The following ZNF680 variants were observed in gnomAD, a reference collection of about 807,000 sequenced individuals.
ZNF680 encodes the protein hypothetical protein FLJ90430.
ZNF680 carries 6 observed loss-of-function variants against 12.1 expected under a neutral mutation model. That is an observed-to-expected ratio of 0.49 (90% CI 0.27 to 0.98). ZNF680 has a LOEUF of 0.98. Ranked by LOEUF, ZNF680 falls within the 50% of genes least tolerant of loss-of-function variation. ZNF680 has a pLI of 0.12. For synonymous variants in ZNF680, 170 were observed against 199.3 expected (o/e 0.85, Z 1.24); for missense variants, 561 against 616.3 (o/e 0.91, Z 0.95).
At chr7:64,511,995 G>A in the ZNF680 span, among the ~76,000 whole-genome samples, 1 of 151,482 alleles carries the variant, frequency 6.6e-6, no homozygotes, top group Middle Eastern at 3.2e-3. Flanking sequence ...GGAGGCGGAG[G>A]TTGCAGTGAG....
chr7:64,504,431 G>T, the ZNF680 span, among the ~76,000 whole-genome samples: 1 of 152,206 alleles, frequency 6.6e-6, no homozygotes, highest in Non-Finnish European at 1.5e-5. Flanking sequence ...TAGCTAAGAA[G>T]ATTTTATCTC....
chr7:64,541,578 G>A (rs773339055), intron 3 of ZNF680, among the ~76,000 whole-genome samples: 3 of 152,098 alleles, frequency 2.0e-5, no homozygotes, highest in South Asian at 2.1e-4. Flanking sequence ...ATCCAGAGAG[G>A]GTGTTGTGAA....
chr7:64,559,052 TAGAA>T (rs1267060337), intron 1 of ZNF680, among the ~76,000 whole-genome samples: 15 of 152,136 alleles, frequency 9.9e-5, no homozygotes, highest in African/African-American at 3.4e-4. Flanking sequence ...ATTTTACATG[TAGAA>T]AGAAAGGGGT....
chr7:64,517,931 T>G (rs989285050), downstream of ZNF680, among the ~76,000 whole-genome samples: 2 of 151,938 alleles, frequency 1.3e-5, no homozygotes, highest in African/African-American at 4.8e-5. Context: ...AAAGGACATA[T>G]CTCAATGTAA....
downstream of ZNF680, among the ~76,000 whole-genome samples, chr7:64,517,801 TA>T (rs1162155311): frequency 2.0e-5 from 3 of 151,990 alleles, no homozygotes; most frequent in African/African-American, 7.2e-5. Flanking sequence ...TACAAGTCAA[TA>T]AATGTGATAC....
the ZNF680 span, among the ~76,000 whole-genome samples, chr7:64,505,397 T>C: frequency 6.6e-6 from 1 of 152,220 alleles, no homozygotes; most frequent in Non-Finnish European, 1.5e-5. Context: ...AAATTTATTA[T>C]GTCTTCAAGG....
chr7:64,558,788 T>C (rs904676380), intron 1 of ZNF680, among the ~76,000 whole-genome samples: 6 of 152,116 alleles, frequency 3.9e-5, no homozygotes, highest in African/African-American at 1.4e-4. Context: ...GTTGCTTTTT[T>C]TTTTTTTCAA....
intron 1 of ZNF680, among the ~76,000 whole-genome samples, chr7:64,554,095 G>C (rs1290540648): frequency 1.3e-5 from 2 of 151,638 alleles, no homozygotes; most frequent in African/African-American, 4.8e-5. Context: ...AGTCTGGGAA[G>C]TGAGGAGCGC....
the ZNF680 span, among the ~76,000 whole-genome samples, chr7:64,503,283 T>G: frequency 4.6e-5 from 7 of 151,740 alleles, no homozygotes; most frequent in Non-Finnish European, 1.0e-4. Context: ...AGCACACATA[T>G]AGTTTTGTTC....
chr7:64,561,140 C>G (rs1030550179), intron 1 of ZNF680: 8 of 153,304 alleles, frequency 5.2e-5, no homozygotes, highest in African/African-American at 1.9e-4. Context: ...GAAACGGAAG[C>G]TGAGTTGGGT....
intron 1 of ZNF680, among the ~76,000 whole-genome samples, chr7:64,559,799 A>C (rs933162075): frequency 1.3e-5 from 2 of 152,080 alleles, no homozygotes; most frequent in African/African-American, 4.8e-5. Flanking sequence ...ACTTTTTTGA[A>C]GATGCATAAC....
intron 1 of ZNF680, among the ~76,000 whole-genome samples, chr7:64,557,035 G>A (rs1210772413): frequency 2.0e-5 from 3 of 152,180 alleles, no homozygotes; most frequent in African/African-American, 7.2e-5. Context: ...CGGATCACGA[G>A]GCCAGGAGAT....
rs1376685968 is a variant in ZNF680 at position 64,522,284 on chromosome 7, T to C, written c.470A>G (p.Asp157Gly). ...RTTQSKIFQC[D>G]KYVKVFHKFS... is the part of the protein sequence containing the mutation. ...TTTATGAAAGACTTTCACGTATTTATCACATTGAAATATTTTGCTCTGGGT... is the reference window on the plus strand; with the variant it reads ...TTTATGAAAGACTTTCACGTATTTACCACATTGAAATATTTTGCTCTGGGT... The change falls in exon 4 of 4, where the codon GAT becomes GGT. Residue 157 changes from aspartate (D) to glycine (G), a missense_variant. Asp to Gly is a moderately conservative substitution (Grantham distance 94). Transcript: ENST00000309683. 5 of 1,613,022 alleles carry C rather than the reference T, an allele frequency of 3.1e-6. No individual in the cohort carries two copies. The highest frequency in any genetic ancestry group is 4.2e-6 in the Non-Finnish European group (5 of 1,179,494).
At chr7:64,518,153 T>C (rs1791392077), downstream of ZNF680, among the ~76,000 whole-genome samples, 1 of 152,030 alleles carries the variant, frequency 6.6e-6, no homozygotes, top group South Asian at 2.1e-4. Context: ...TTGTTGATGA[T>C]ATGATTGTAT....
At position 64,522,527 on chromosome 7, in the gene ZNF680, C is replaced by T. The variant is rs551334268; in HGVS notation, c.254-27G>A. 8 of 1,395,436 alleles carry T rather than the reference C, an allele frequency of 5.7e-6. No homozygotes were observed. In the African/African-American group the frequency reaches 5.8e-5, roughly 10 times the overall value. The allele number at this position is 1,395,436 out of a possible 1,614,324, so 86.4% of individuals were successfully genotyped here. ...TGAAAGACATAAAAGTAACAAATTA[C>T]ACCACTTCCTAGACTCAGATGAATA... On this transcript the variant is annotated intron_variant, in intron 3 of 3. Transcript: ENST00000309683.
At chr7:64,514,577 A>C in the ZNF680 span, among the ~76,000 whole-genome samples, 1 of 152,104 alleles carries the variant, frequency 6.6e-6, no homozygotes, top group African/African-American at 2.4e-5. Flanking sequence ...ATAATAATAA[A>C]ACTCATAATA....
At chr7:64,516,465 T>C (rs1791356671), downstream of ZNF680, among the ~76,000 whole-genome samples, 1 of 152,112 alleles carries the variant, frequency 6.6e-6, no homozygotes, top group Admixed American at 6.5e-5. Context: ...CCCAAATTTA[T>C]AAAACAATAA....
downstream of ZNF680, among the ~76,000 whole-genome samples, chr7:64,518,529 T>A (rs1214499238): frequency 4.0e-5 from 6 of 151,820 alleles, no homozygotes; most frequent in Non-Finnish European, 7.4e-5. Flanking sequence ...GTAGCTCCCA[T>A]CAAAATAGCA....
At chr7:64,532,810 A>G (rs1785957345) in intron 3 of ZNF680, among the ~76,000 whole-genome samples, 1 of 152,254 alleles carries the variant, frequency 6.6e-6, no homozygotes, top group Non-Finnish European at 1.5e-5. Context: ...ACAACATATC[A>G]AAAAGATAAT....
Sources: gnomAD v4.1 joint callset for allele counts (sites outside exome capture counted in the v4.1 genomes callset) on GRCh38, gnomAD v4.1.1 for gene constraint, MANE v1.5 for transcripts, NCBI Gene and HGNC (gene_info 2026-07-23, HGNC 2026-07-21) for gene names.